Variants in KIAA0586 observed in about 807,000 individuals in gnomAD.
KIAA0586 encodes the protein protein TALPID3.
A neutral mutation model predicts 169.8 loss-of-function variants in KIAA0586; 144 were observed. That is an observed-to-expected ratio of 0.85 (90% confidence interval 0.74 to 0.97). KIAA0586 has a LOEUF of 0.97. KIAA0586 is among the 50% of genes least tolerant of loss of function. The pLI is 0.00. For synonymous variants in KIAA0586, 625 were observed against 612.4 expected, an observed-to-expected ratio of 1.02 and a Z score of -0.30; for missense variants, 1,854 against 1,823.0, an observed-to-expected ratio of 1.02 and a Z score of -0.31.
intron 7 of KIAA0586, among the ~76,000 whole-genome samples, chr14:58,449,276 C>T (rs930342791): frequency 1.3e-5 from 2 of 152,104 alleles, no homozygotes; most frequent in African/African-American, 2.4e-5. Context: ...CTGTTGTGCC[C>T]AGCACTTTGA....
chr14:58,470,464 C>T, intron 16 of KIAA0586, 149 bp from the exon 17 acceptor site: 2 of 354,326 alleles, frequency 5.6e-6, no homozygotes, highest in Non-Finnish European at 5.1e-6. Context: ...TTTTGTTATC[C>T]ATTGGGTTCA....
At position 58,429,342 on chromosome 14, in the gene KIAA0586, T is replaced by C. The variant is rs761203590; in HGVS notation, c.200-21T>C. The C allele has an allele frequency of 3.4e-6, 5 of 1,457,164 alleles. No homozygotes were observed. In the Admixed American group the frequency reaches 8.4e-5, roughly 24 times the overall value. The allele number at this position is 1,457,164 out of a possible 1,614,324, so 90.3% of individuals were successfully genotyped here. A position where few individuals can be genotyped will look rare whatever the true frequency, so the allele number is the denominator to read the frequency against. On this transcript the variant is annotated intron_variant, in intron 1 of 30. Transcript: ENST00000652326. ...GGATCTGATTTTAAAATCACTAAAATCTATTCCTTTGTTTTGTTAGGTTCA... is the reference window on the plus strand; with the variant it reads ...GGATCTGATTTTAAAATCACTAAAACCTATTCCTTTGTTTTGTTAGGTTCA...
At chr14:58,537,717 G>A (rs888124122) in intron 29 of KIAA0586, among the ~76,000 whole-genome samples, 1 of 151,712 alleles carries the variant, frequency 6.6e-6, no homozygotes, top group African/African-American at 2.4e-5. Flanking sequence ...GCGTGATCTT[G>A]GCTCACTGCA....
intron 6 of KIAA0586, among the ~76,000 whole-genome samples, chr14:58,445,618 G>A (rs1375272076): frequency 6.6e-6 from 1 of 151,270 alleles, no homozygotes; most frequent in Admixed American, 6.6e-5. Flanking sequence ...ATTTTCAGTA[G>A]AGACAGGGTT....
intron 26 of KIAA0586, 68 bp downstream of exon 26, chr14:58,492,343 A>G (rs1328840505): frequency 1.4e-6 from 2 of 1,395,162 alleles, no homozygotes; most frequent in Non-Finnish European, 1.9e-6. Flanking sequence ...AAATATTCTT[A>G]CTACTAGTTA....
intron 9 of KIAA0586, among the ~76,000 whole-genome samples, chr14:58,456,389 A>G (rs2039853827): frequency 6.6e-6 from 1 of 152,202 alleles, no homozygotes; most frequent in African/African-American, 2.4e-5. Flanking sequence ...GCAGATTTTC[A>G]GAATTTCTTA....
rs1285770628 is a variant in KIAA0586, at chr14:58,438,747, C to G, written c.411-3959C>G. On this transcript the variant is annotated intron_variant, in intron 4 of 30. Coordinates refer to ENST00000652326, the MANE Select transcript of KIAA0586 (RefSeq NM_001329943.3). ...GGCTTCTTGAAGAAGGTAGTACTTG[C>G]ATTGCACCTTAAAGGAGGAGAAGGA... Among the ~76,000 whole-genome samples, 4 of 152,110 alleles carry G rather than the reference C, an allele frequency of 2.6e-5. No homozygotes were observed. In the East Asian group the frequency reaches 5.8e-4, roughly 22 times the overall value.
At chr14:58,457,361 C>T (rs1483469214) in intron 10 of KIAA0586, among the ~76,000 whole-genome samples, 4 of 152,030 alleles carry the variant, frequency 2.6e-5, no homozygotes, top group Non-Finnish European at 4.4e-5. Context: ...CTCCACCTCC[C>T]GGTTCAAGCA....
intron 29 of KIAA0586, among the ~76,000 whole-genome samples, chr14:58,525,776 A>G (rs1016655024): frequency 2.0e-5 from 3 of 152,188 alleles, no homozygotes; most frequent in African/African-American, 7.2e-5. Flanking sequence ...AGCGGATTCC[A>G]CTGCCACGGA....
downstream of KIAA0586, among the ~76,000 whole-genome samples, chr14:58,552,287 A>C (rs1024996652): frequency 6.6e-6 from 1 of 152,224 alleles, no homozygotes; most frequent in Admixed American, 6.5e-5. Context: ...AATGAGGGGT[A>C]GATTTTAAGT....
rs1395536840 is a variant in KIAA0586 at position 58,487,094 on chromosome 14, A to G, written c.3232A>G (p.Thr1078Ala). ...TGCTAAGGAGTGTGTTTTGGTAAAGACTCCAGATTCTTCTCCCTGTGATTC... is the reference window on the plus strand; with the variant it reads ...TGCTAAGGAGTGTGTTTTGGTAAAGGCTCCAGATTCTTCTCCCTGTGATTC... ...SPAKECVLVKTPDSSPCDSDH... is the reference protein window; with the variant it reads ...SPAKECVLVKAPDSSPCDSDH... Residue 1078 changes from threonine to alanine, a missense_variant, in exon 22 of 31, where the codon ACT (threonine) becomes GCT (alanine). Physicochemically the swap from Thr to Ala is moderately conservative, Grantham distance 58. Transcript: ENST00000652326. 3 of 1,613,438 alleles carry G rather than the reference A, an allele frequency of 1.9e-6. No homozygotes were observed. The Admixed American group carries it at 5.0e-5, about 27-fold the overall frequency.
At position 58,499,321 on chromosome 14, in the gene KIAA0586, C is replaced by T. The variant is rs369212148; in HGVS notation, c.4168+361C>T. ...AGGCTGGAGTGCAGTGACACAATCT[C>T]GGCCCACTGCAAGCTCTGCCTCCCG... On this transcript the variant is annotated intron_variant, in intron 27 of 30. Transcript: ENST00000652326. Among the ~76,000 whole-genome samples, 5 of 152,158 alleles carry T rather than the reference C, an allele frequency of 3.3e-5. 1 individual carries two copies. Among genetic ancestry groups the T allele is most frequent in the Non-Finnish European group, 1.5e-5 (1 of 68,006 alleles).
chr14:58,498,156 A>G (rs2763884), intron 26 of KIAA0586, among the ~76,000 whole-genome samples: 148,768 of 151,998 alleles, frequency 0.98, 72,886 homozygotes, highest in East Asian at 1. Flanking sequence ...TATTACAGGC[A>G]TGAGCCACCG....
chr14:58,434,909 C>A (rs534612671), intron 4 of KIAA0586, among the ~76,000 whole-genome samples: 1 of 152,070 alleles, frequency 6.6e-6, no homozygotes, highest in Non-Finnish European at 1.5e-5. Flanking sequence ...ACCGCCCCCC[C>A]GCCAGAGTAG....
intron 26 of KIAA0586, among the ~76,000 whole-genome samples, chr14:58,494,482 C>A (rs1277034743): frequency 6.6e-6 from 1 of 150,626 alleles, no homozygotes; most frequent in African/African-American, 2.4e-5. Context: ...CCTGTGAGTT[C>A]TTATTTCACT....
chr14:58,495,911 C>T (rs865941410), intron 26 of KIAA0586, among the ~76,000 whole-genome samples: 8 of 152,140 alleles, frequency 5.3e-5, no homozygotes, highest in African/African-American at 1.9e-4. Flanking sequence ...TTTAAATAGG[C>T]ACTGAAAAAT....
chr14:58,497,773 G>C (rs945463832), intron 26 of KIAA0586, among the ~76,000 whole-genome samples: 16 of 151,790 alleles, frequency 1.1e-4, no homozygotes, highest in African/African-American at 3.1e-4. Flanking sequence ...CAAACTTTAG[G>C]CAATTTTTAT....
intron 14 of KIAA0586, among the ~76,000 whole-genome samples, chr14:58,465,396 A>C (rs372335392): frequency 3.3e-5 from 5 of 152,154 alleles, no homozygotes; most frequent in African/African-American, 1.2e-4. Flanking sequence ...GAATTCAAAC[A>C]TTGTTGGAAT....
At chr14:58,458,396 T>A (rs2040047896) in intron 11 of KIAA0586, 77 bp from the exon 12 acceptor site, 1 of 747,070 alleles carries the variant, frequency 1.3e-6, no homozygotes, top group Admixed American at 2.9e-5. Flanking sequence ...CACAACTAGA[T>A]AAGAGTTAGA....
Sources: allele counts gnomAD v4.1 joint callset (sites outside exome capture counted in the v4.1 genomes callset), GRCh38; gene constraint gnomAD v4.1.1; transcripts MANE v1.5; gene names NCBI Gene and HGNC (gene_info 2026-07-23, HGNC 2026-07-21).